Variants in SUMF1 observed in about 807,000 individuals in gnomAD.
The protein encoded by SUMF1 is sulfatase modifying factor 1.
A neutral mutation model predicts 47.6 loss-of-function variants in SUMF1; 48 were observed. The ratio of observed to expected loss-of-function variants is 1.01; its 90% CI spans 0.80 to 1.28. The LOEUF (loss-of-function observed/expected upper bound fraction) is 1.28. Among genes scored for constraint, SUMF1 ranks in the 50% most tolerant of loss-of-function variants. SUMF1 has a pLI of 0.00. For missense variants in SUMF1, 571 were observed against 485.4 expected, an observed-to-expected ratio of 1.18 and a Z score of -1.66; for synonymous variants, 230 against 192.1, an observed-to-expected ratio of 1.20 and a Z score of -1.63.
chr3:4,084,146 A>G (rs1692623795), intron 8 of SUMF1, among the ~76,000 whole-genome samples: 1 of 152,138 alleles, frequency 6.6e-6, no homozygotes, highest in Admixed American at 6.5e-5. Context: ...TTTGGAAGTC[A>G]TTAAATGAAG....
At chr3:4,376,306 A>C (rs1700326238) in intron 8 of SUMF1, 24 bp downstream of exon 8, 2 of 1,613,928 alleles carry the variant, frequency 1.2e-6, no homozygotes, top group South Asian at 2.2e-5. Context: ...AAGAACGGCA[A>C]AACAGTTTAG....
At chr3:4,345,078 C>T (rs533323004) in intron 8 of SUMF1, among the ~76,000 whole-genome samples, 7 of 152,176 alleles carry the variant, frequency 4.6e-5, no homozygotes, top group Admixed American at 4.6e-4. Context: ...CAGAAGGAGA[C>T]AGGGAGAATG....
Position 4,070,578 on chromosome 3 carries a change from T to C in SUMF1, c.1015-1833A>G, listed in dbSNP as rs371793823. 1.1e-4 allele frequency among the ~76,000 whole-genome samples: 17 copies of C among 152,302 alleles called. 2 individuals are homozygous for C. Among genetic ancestry groups the C allele is most frequent in the South Asian group, 4.2e-4 (2 of 4,818 alleles). On this transcript the variant is annotated intron_variant and NMD_transcript_variant, in intron 8 of 12. Transcript: ENST00000448413. ...ACCACTCATGCTGAAAACGATGACA[T>C]AGAAGAAAAGGGAAAGATAGGGCAA...
chr3:4,173,732 A>G (rs1694887191), intron 8 of SUMF1, among the ~76,000 whole-genome samples: 1 of 152,172 alleles, frequency 6.6e-6, no homozygotes, highest in Non-Finnish European at 1.5e-5. Context: ...CTTTACATGG[A>G]CATGGATGAA....
chr3:4,061,013 C>T (rs922887052), intron 9 of SUMF1, among the ~76,000 whole-genome samples: 3 of 152,118 alleles, frequency 2.0e-5, no homozygotes, highest in African/African-American at 7.2e-5. Flanking sequence ...GTTTCCAATA[C>T]TTTGTGGAAA....
At chr3:4,086,356 C>A (rs1442729235) in intron 8 of SUMF1, among the ~76,000 whole-genome samples, 2 of 152,018 alleles carry the variant, frequency 1.3e-5, no homozygotes, top group African/African-American at 4.8e-5. Context: ...CTTGGAAAGT[C>A]ACTTCACCTC....
At position 4,264,738 on chromosome 3, in the gene SUMF1, ACT is replaced by A. The variant is rs1575034258; in HGVS notation, c.1014+111590_1014+111591del. Among the ~76,000 whole-genome samples, 5 of 152,162 alleles carry A rather than the reference ACT, an allele frequency of 3.3e-5. No individual in the cohort carries two copies. In the East Asian group the frequency reaches 7.7e-4, roughly 24 times the overall value. On this transcript the variant is annotated intron_variant and NMD_transcript_variant, in intron 8 of 12. Transcript: ENST00000448413. The stretch of plus-strand genomic sequence containing the variant: ...GATATGTCAGGGGAGGATAGCCTGG[ACT>A]CTCTCAGGCTATAAAAGTGACATTT...
Position 4,213,012 on chromosome 3 carries a change from C to T in SUMF1, c.1015-144267G>A, listed in dbSNP as rs191787153. Among the ~76,000 whole-genome samples, 140 of 152,240 alleles carry T rather than the reference C, an allele frequency of 9.2e-4. 1 individual carries two copies. Among genetic ancestry groups the T allele is most frequent in the Admixed American group, 6.1e-3 (93 of 15,288 alleles). On this transcript the variant is annotated intron_variant and NMD_transcript_variant, in intron 8 of 12. Coordinates refer to the SUMF1 transcript ENST00000448413. ...TTCAGGATATTATCCAGGAGAACTT[C>T]CCCAACCCAGCAAGACAGGCCAACA...
chr3:4,104,973 C>A (rs576550676), intron 8 of SUMF1, among the ~76,000 whole-genome samples: 239 of 152,166 alleles, frequency 1.6e-3, no homozygotes, highest in African/African-American at 5.5e-3. Flanking sequence ...ATGGAATAAA[C>A]CTACGTGTCT....
At chr3:4,165,684 T>C (rs1269676106) in intron 8 of SUMF1, among the ~76,000 whole-genome samples, 3 of 152,030 alleles carry the variant, frequency 2.0e-5, no homozygotes, top group Non-Finnish European at 2.9e-5. Context: ...TTTTTCCCCA[T>C]CAGAGAGAGA....
At chr3:4,364,262 T>G in intron 8 of SUMF1, among the ~76,000 whole-genome samples, 1 of 116,906 alleles carries the variant, frequency 8.6e-6, no homozygotes, top group Non-Finnish European at 1.9e-5. Context: ...GAGGATTCCC[T>G]CTTTTTCTAT....
intron 8 of SUMF1, among the ~76,000 whole-genome samples, chr3:4,191,197 C>A (rs1695307390): frequency 6.6e-6 from 1 of 152,136 alleles, no homozygotes. Context: ...AGCAAGCCAA[C>A]TGTTTTTACT....
chr3:4,099,418 T>C (rs149738007), intron 8 of SUMF1, among the ~76,000 whole-genome samples: 1 of 152,180 alleles, frequency 6.6e-6, no homozygotes, highest in Non-Finnish European at 1.5e-5. Context: ...CATATTTTTA[T>C]AATTAAAACT....
chr3:4,104,662 C>T (rs1375798998), intron 8 of SUMF1, among the ~76,000 whole-genome samples: 5 of 148,186 alleles, frequency 3.4e-5, no homozygotes, highest in Non-Finnish European at 5.9e-5. Context: ...TAGTAAATCT[C>T]GATTTCTCTC....
chr3:4,340,104 T>TGC lies in SUMF1; in HGVS notation c.1014+36224_1014+36225dup, dbSNP rs962491577. ...AAACACACACACACAGGCACCAATG[T>TGC]GCACACACACACACACACACAAACA... is the stretch of plus-strand genomic sequence containing the variant. On this transcript the variant is annotated intron_variant and NMD_transcript_variant, in intron 8 of 12. Transcript: ENST00000448413. Among the ~76,000 whole-genome samples, 16 of 136,082 alleles carry TGC rather than the reference T, an allele frequency of 1.2e-4. No individual in the cohort carries two copies. The East Asian group carries it at 2.2e-3, about 19-fold the overall frequency. 89.3% of individuals were successfully genotyped at this position (136,082 alleles called of 152,430 possible). A position where few individuals can be genotyped will look rare whatever the true frequency, so the allele number is the denominator to read the frequency against.
chr3:4,131,602 T>C (rs1574910765), intron 8 of SUMF1, among the ~76,000 whole-genome samples: 1 of 152,250 alleles, frequency 6.6e-6, no homozygotes, highest in East Asian at 1.9e-4. Context: ...TGCAATTACA[T>C]ACTGATTCAT....
intron 8 of SUMF1, among the ~76,000 whole-genome samples, chr3:4,297,904 C>CA (rs35400882): frequency 6.6e-6 from 1 of 152,014 alleles, no homozygotes; most frequent in Non-Finnish European, 1.5e-5. Context: ...AAACCCTGAA[C>CA]AAAAAAGCAT....
intron 8 of SUMF1, among the ~76,000 whole-genome samples, chr3:4,219,448 GC>G (rs1422688393): frequency 6.6e-5 from 10 of 152,092 alleles, no homozygotes; most frequent in Middle Eastern, 3.2e-3. Flanking sequence ...TTTCTGCTGT[GC>G]CAGATGTTTG....
At chr3:4,424,832 T>A (rs1206245917) in intron 3 of SUMF1, among the ~76,000 whole-genome samples, 1 of 152,202 alleles carries the variant, frequency 6.6e-6, no homozygotes, top group Non-Finnish European at 1.5e-5. Flanking sequence ...AAGCGAAGGA[T>A]CAGGAGAGTA....
Sources: gnomAD v4.1 joint callset for allele counts (sites outside exome capture counted in the v4.1 genomes callset) on GRCh38, gnomAD v4.1.1 for gene constraint, MANE v1.5 for transcripts, NCBI Gene and HGNC (gene_info 2026-07-23, HGNC 2026-07-21) for gene names.